Variants in CDC14B observed in about 807,000 individuals in gnomAD.
CDC14B encodes cell division cycle 14B, also known as dual specificity protein phosphatase CDC14B.
Under a neutral mutation model 64.2 loss-of-function variants are expected in CDC14B, and 22 were observed. The observed-to-expected ratio is 0.34, with a 90% CI of 0.24 to 0.49. The LOEUF (loss-of-function observed/expected upper bound fraction) is 0.49. Ranked by LOEUF, CDC14B falls within the 20% of genes least tolerant of loss-of-function variation. The probability of loss-of-function intolerance (pLI) is 0.99; values close to 1 mark genes in which losing one functional copy is unlikely to be tolerated. For synonymous variants in CDC14B, 191 were observed against 215.8 expected (o/e 0.89, Z 1.01); for missense variants, 498 against 629.9 (o/e 0.79, Z 2.24).
intron 13 of CDC14B, 43 bp from the exon 14 acceptor site, chr9:96,503,832 A>T (rs768933710): frequency 7.3e-6 from 11 of 1,503,870 alleles, no homozygotes; most frequent in Non-Finnish European, 1.0e-5. Context: ...AAGTTTACAC[A>T]GCGTCCACAG....
intron 3 of CDC14B, 151 bp from the exon 4 acceptor site, chr9:96,562,936 C>T: frequency 1.6e-6 from 1 of 611,744 alleles, no homozygotes; most frequent in African/African-American, 1.8e-5. Context: ...CCACAAATAC[C>T]ATATATCTTC....
intron 9 of CDC14B, among the ~76,000 whole-genome samples, chr9:96,530,331 C>T (rs1473088051): frequency 6.7e-6 from 1 of 149,252 alleles, no homozygotes; most frequent in Non-Finnish European, 1.5e-5. Context: ...CTTGCTCTGT[C>T]CCCCAGGCTG....
At chr9:96,605,424 C>A (rs1846825605) in intron 1 of CDC14B, among the ~76,000 whole-genome samples, 1 of 152,166 alleles carries the variant, frequency 6.6e-6, no homozygotes, top group Non-Finnish European at 1.5e-5. Flanking sequence ...ACGCCCTCAA[C>A]CCTCAGTGAG....
chr9:96,602,863 C>A (rs997853275), intron 1 of CDC14B, among the ~76,000 whole-genome samples: 16 of 151,898 alleles, frequency 1.1e-4, no homozygotes, highest in Non-Finnish European at 1.8e-4. Flanking sequence ...GCACCTATAT[C>A]ATAGAAACTT....
chr9:96,590,314 C>G (rs1228039859), intron 1 of CDC14B, among the ~76,000 whole-genome samples: 1 of 152,166 alleles, frequency 6.6e-6, no homozygotes, highest in Non-Finnish European at 1.5e-5. Context: ...TAGTATATGA[C>G]AGGATTTCTT....
intron 12 of CDC14B, among the ~76,000 whole-genome samples, chr9:96,510,345 A>T (rs928876971): frequency 1.8e-4 from 28 of 152,320 alleles, no homozygotes; most frequent in African/African-American, 6.5e-4. Context: ...TAAATCTCCA[A>T]GTGCCACTAA....
chr9:96,569,092 G>A lies in CDC14B; in HGVS notation c.161-3609C>T, dbSNP rs546789357. Among the ~76,000 whole-genome samples the A allele has an allele frequency of 1.2e-4, 18 of 152,318 alleles. No individual in the cohort carries two copies. The East Asian group carries it at 3.5e-3, about 29-fold the overall frequency. On this transcript the variant is annotated intron_variant, in intron 1 of 13. Transcript: ENST00000375241. ...CAAGAAACGTATCAATGCCTTCATAGTCGGTGTCTAGAAATAGGGAATAAG... is the reference window on the plus strand; with the variant it reads ...CAAGAAACGTATCAATGCCTTCATAATCGGTGTCTAGAAATAGGGAATAAG...
chr9:96,496,299 G>T (rs891244956), downstream of CDC14B: 8 of 514,268 alleles, frequency 1.6e-5, no homozygotes, highest in Non-Finnish European at 1.5e-5. Flanking sequence ...AGTCCTTGTG[G>T]ATCCCGAGCC....
chr9:96,602,817 T>C (rs941715303), intron 1 of CDC14B, among the ~76,000 whole-genome samples: 43 of 152,272 alleles, frequency 2.8e-4, no homozygotes, highest in Admixed American at 2.7e-3. Flanking sequence ...ATGATTTTTT[T>C]TCTCTCTCTC....
intron 1 of CDC14B, among the ~76,000 whole-genome samples, chr9:96,600,454 C>T (rs899463270): frequency 6.6e-6 from 1 of 151,192 alleles, no homozygotes; most frequent in African/African-American, 2.4e-5. Flanking sequence ...AGTTATTACA[C>T]TTTTGTGAGG....
chr9:96,514,704 G>A, intron 12 of CDC14B: 1 of 985,410 alleles, frequency 1.0e-6, no homozygotes, highest in Non-Finnish European at 1.2e-6. Flanking sequence ...TAAAATATGA[G>A]TTAAGGAAAA....
chr9:96,619,226 G>A lies in CDC14B; in HGVS notation c.153C>T (p.Asp51=). 7.5e-7 allele frequency: 1 copy of A among 1,335,462 alleles called. No individual in the cohort carries two copies. Among genetic ancestry groups the A allele is most frequent in the Non-Finnish European group, 9.6e-7 (1 of 1,039,158 alleles). The allele number at this position is 1,335,462 out of a possible 1,614,324, so 82.7% of individuals were successfully genotyped here. A position where few individuals can be genotyped will look rare whatever the true frequency, so the allele number is the denominator to read the frequency against. ...GCCCACTGGCCGGCTCACCGGTGAT[G>A]TCCAGGTACACGTCGTCCTGGGGGT... The part of the protein sequence containing the change: ...RRDPQDDVYL[D]ITDRLCFAIL... Residue 51 remains aspartate (D), a synonymous_variant, in exon 1 of 14, where the codon GAC becomes GAT. Transcript: ENST00000375241.
At chr9:96,525,415 C>T (rs1837407423) in intron 9 of CDC14B, among the ~76,000 whole-genome samples, 1 of 148,576 alleles carries the variant, frequency 6.7e-6, no homozygotes, top group Non-Finnish European at 1.5e-5. Flanking sequence ...TTTAGAGACC[C>T]CCAGTGCTGC....
rs988735811 is a variant in CDC14B at position 96,515,299 on chromosome 9, AAC to A, written c.1344-5512_1344-5511del. 6.6e-6 allele frequency among the ~76,000 whole-genome samples: 1 copy of A among 152,258 alleles called. No individual in the cohort carries two copies. Among genetic ancestry groups the A allele is most frequent in the African/African-American group, 2.4e-5 (1 of 41,476 alleles). ...TTGTATAGCCAACTGACGAAAATAA[AAC>A]CACCCCAATTATCCTAAGCTAACTA... On this transcript the variant is annotated intron_variant, in intron 12 of 13. Transcript: ENST00000375241. This position sits in a 1 kb window ranked among gnomAD's most constrained non-coding sequence, Gnocchi z 4.3.
intron 5 of CDC14B, among the ~76,000 whole-genome samples, chr9:96,550,996 C>T (rs1444211590): frequency 2.2e-4 from 34 of 151,886 alleles, no homozygotes; most frequent in Admixed American, 2.2e-3. Flanking sequence ...CAGAAAGTAA[C>T]TACTGATTAT....
At chr9:96,574,166 G>A (rs977396615) in intron 1 of CDC14B, among the ~76,000 whole-genome samples, 3 of 150,974 alleles carry the variant, frequency 2.0e-5, no homozygotes, top group African/African-American at 7.3e-5. Context: ...AAAAGACCAA[G>A]AAGGGGGCTC....
At chr9:96,497,246 A>G (rs571555609), downstream of CDC14B, among the ~76,000 whole-genome samples, 3 of 152,112 alleles carry the variant, frequency 2.0e-5, no homozygotes, top group African/African-American at 7.2e-5. Flanking sequence ...AGCGTGTCAA[A>G]GCCATGCAGA....
chr9:96,494,427 T>C (rs897317187), intron 13 of CDC14B, among the ~76,000 whole-genome samples: 2 of 152,178 alleles, frequency 1.3e-5, no homozygotes, highest in African/African-American at 2.4e-5. Flanking sequence ...CACGCTCAGG[T>C]ATTCTCCATG....
intron 1 of CDC14B, among the ~76,000 whole-genome samples, chr9:96,572,400 G>A (rs73656903): frequency 0.047 from 7,229 of 152,204 alleles, 585 homozygotes; most frequent in African/African-American, 0.16. Context: ...GCTATCTCCA[G>A]GTAGATGGTG....
Sources: allele counts gnomAD v4.1 joint callset (sites outside exome capture counted in the v4.1 genomes callset), GRCh38; gene constraint gnomAD v4.1.1; non-coding constraint Gnocchi (gnomAD v3.1); transcripts MANE v1.5; gene names NCBI Gene and HGNC (gene_info 2026-07-23, HGNC 2026-07-21).